The following STAC2 variants were observed in gnomAD, a reference collection of about 807,000 sequenced individuals.
The protein encoded by STAC2 is SH3 and cysteine rich domain 2, also known as SH3 and cysteine-rich domain-containing protein 2.
Under a neutral mutation model 49.0 loss-of-function variants are expected in STAC2, and 36 were observed. That is an observed-to-expected ratio of 0.74 (90% CI 0.56 to 0.97). The LOEUF is 0.97. Among genes scored for constraint, STAC2 ranks in the 50% least tolerant of loss-of-function variants. STAC2 has a pLI of 0.00. For synonymous variants in STAC2, 239 were observed against 214.7 expected (o/e 1.11, Z -0.99); for missense variants, 527 against 543.8 (o/e 0.97, Z 0.31).
chr17:39,216,773 A>G (rs1444619151), intron 4 of STAC2, 37 bp downstream of exon 4: 8 of 1,532,622 alleles, frequency 5.2e-6, no homozygotes, highest in Non-Finnish European at 7.1e-6. Context: ...ATCCCACCAC[A>G]ATGGGAGCAG....
At chr17:39,224,948 A>T (rs2046497543) in intron 1 of STAC2, among the ~76,000 whole-genome samples, 1 of 152,170 alleles carries the variant, frequency 6.6e-6, no homozygotes, top group Admixed American at 6.5e-5. Context: ...AGACGCCGGG[A>T]GAGACGGGGA....
At chr17:39,222,315 C>G (rs1483709172) in intron 1 of STAC2, among the ~76,000 whole-genome samples, 2 of 152,204 alleles carry the variant, frequency 1.3e-5, no homozygotes, top group African/African-American at 4.8e-5. Flanking sequence ...ACAGAATGTT[C>G]CCGGGTACCA....
rs1299777668 is a variant in STAC2 at position 39,225,296 on chromosome 17, G to C, written c.90+117C>G. The C allele has an allele frequency of 6.2e-6, 5 of 809,370 alleles. No individual in the cohort carries two copies. The highest frequency in any genetic ancestry group is 7.4e-6 in the Non-Finnish European group (4 of 542,078). The allele number at this position is 809,370 out of a possible 1,614,324, so 50.1% of individuals were successfully genotyped here. A position where few individuals can be genotyped will look rare whatever the true frequency, so the allele number is the denominator to read the frequency against. On this transcript the variant is annotated intron_variant, in intron 1 of 10. Transcript: ENST00000333461. This position sits in a 1 kb window ranked among gnomAD's most constrained non-coding sequence, Gnocchi z 8.2. ...CCCCCGGGAGCGGCGCGGAGCCTCA[G>C]TGGTCACGCGGGCCTCGCGACCGCG...
chr17:39,215,290 G>T, intron 4 of STAC2, 60 bp from the exon 5 acceptor site: 4 of 1,559,822 alleles, frequency 2.6e-6, no homozygotes, highest in Non-Finnish European at 3.5e-6. Flanking sequence ...CTCTAGTCCC[G>T]GCTCAGCATG....
intron 3 of STAC2, 60 bp from the exon 4 acceptor site, chr17:39,216,960 C>T (rs2046409663): frequency 3.8e-6 from 6 of 1,581,238 alleles, no homozygotes; most frequent in African/African-American, 1.3e-5. Context: ...GAACTTGGTC[C>T]TTCCCAAGCC....
chr17:39,218,534 C>T (rs2046431422), intron 1 of STAC2, among the ~76,000 whole-genome samples: 1 of 152,110 alleles, frequency 6.6e-6, no homozygotes, highest in Non-Finnish European at 1.5e-5. Flanking sequence ...CAAAAGAAAT[C>T]TAGACTTTTA....
At chr17:39,220,482 C>CTT (rs11407976) in intron 1 of STAC2, among the ~76,000 whole-genome samples, 51 of 147,790 alleles carry the variant, frequency 3.5e-4, no homozygotes, top group African/African-American at 5.0e-4. Flanking sequence ...CCTAGATACT[C>CTT]TTTTTTTTTT....
At chr17:39,223,946 A>T (rs1050594900) in intron 1 of STAC2, among the ~76,000 whole-genome samples, 8 of 152,104 alleles carry the variant, frequency 5.3e-5, no homozygotes, top group Admixed American at 3.3e-4. Context: ...TCTAAAGGGG[A>T]GTCAGCTCTG....
intron 4 of STAC2, 72 bp from the exon 5 acceptor site, chr17:39,215,302 C>A: frequency 1.3e-6 from 2 of 1,507,832 alleles, no homozygotes; most frequent in South Asian, 1.1e-5. Flanking sequence ...CTCAGCATGC[C>A]CCAGGCTGAG....
At chr17:39,214,052 C>T (rs1365376586) in intron 8 of STAC2, among the ~76,000 whole-genome samples, 181 bp downstream of exon 8, 1 of 151,994 alleles carries the variant, frequency 6.6e-6, no homozygotes, top group Admixed American at 6.6e-5. Context: ...GCAGCCCAGT[C>T]AGAGGGCGGG....
Position 39,214,777 on chromosome 17 carries a change from C to T in STAC2, c.843+14G>A. The T allele has an allele frequency of 6.2e-7, 1 of 1,613,408 alleles. No homozygotes were observed. The highest frequency in any genetic ancestry group is 8.5e-7 in the Non-Finnish European group (1 of 1,179,712). On this transcript the variant is annotated intron_variant, in intron 7 of 10. Transcript: ENST00000333461. ...CCACCCTGACCTTCCGGGCCAATGCCAGTACAGGCTCACCTGCTGTCCAGG... is the reference window on the plus strand; with the variant it reads ...CCACCCTGACCTTCCGGGCCAATGCTAGTACAGGCTCACCTGCTGTCCAGG...
intron 2 of STAC2, among the ~76,000 whole-genome samples, chr17:39,217,468 A>T (rs1597734031): frequency 6.6e-6 from 1 of 152,124 alleles, no homozygotes; most frequent in East Asian, 1.9e-4. Flanking sequence ...TCACATCTGT[A>T]ATCCCAGCAC....
chr17:39,216,583 C>A (rs73306903), intron 4 of STAC2, among the ~76,000 whole-genome samples: 1 of 152,180 alleles, frequency 6.6e-6, no homozygotes, highest in Non-Finnish European at 1.5e-5. Flanking sequence ...GTGACTCAGG[C>A]ACCCATCTCA....
rs768417247 is a variant in STAC2, at chr17:39,216,919, G to C, written c.496-19C>G. ...AGGTGGACTATGGCAAGAGAGGGCA[G>C]AGAGGTTTTGAGGAGGTCATGGCCT... On this transcript the variant is annotated intron_variant, in intron 3 of 10. Transcript: ENST00000333461. 1 of 1,589,560 alleles carries C rather than the reference G, an allele frequency of 6.3e-7. No homozygotes were observed.
intron 1 of STAC2, 135 bp from the exon 2 acceptor site, chr17:39,218,308 G>A (rs567423576): frequency 2.4e-5 from 21 of 877,164 alleles, no homozygotes; most frequent in Admixed American, 7.0e-5. Flanking sequence ...GGGCCAGAGC[G>A]AAATGAAACA....
chr17:39,218,078 G>A lies in STAC2; in HGVS notation c.186C>T (p.Cys62=), dbSNP rs748558026. Residue 62 remains cysteine, a synonymous_variant, in exon 2 of 11, where the codon TGC becomes TGT. Coordinates refer to ENST00000333461, the MANE Select transcript of STAC2 (RefSeq NM_198993.5). ...FFLRSGSELK[C]PTEVLLTPPT... is the part of the protein sequence containing the mutation. ...GGGGCGTCAGCAGCACCTCGGTGGG[G>A]CACTTGAGCTCAGAGCCCGAGCGAA... is the stretch of plus-strand genomic sequence containing the variant. The A allele has an allele frequency of 1.4e-5, 23 of 1,612,338 alleles. No homozygotes were observed. Among genetic ancestry groups the A allele is most frequent in the African/African-American group, 1.3e-5 (1 of 74,908 alleles).
chr17:39,217,061 T>G lies in STAC2; in HGVS notation c.495+15A>C. Reference sequence around the variant, plus strand: ...CAGCACTCAGCTGGCCATCTCTGCCTGGGTCCCCGCTCACCGTCTTGCCTG... The same window carrying G: ...CAGCACTCAGCTGGCCATCTCTGCCGGGGTCCCCGCTCACCGTCTTGCCTG... On this transcript the variant is annotated intron_variant, in intron 3 of 10. Coordinates refer to ENST00000333461, the MANE Select transcript of STAC2 (RefSeq NM_198993.5). 6.2e-7 allele frequency: 1 copy of G among 1,613,648 alleles called. No homozygotes were observed. Among genetic ancestry groups the G allele is most frequent in the Non-Finnish European group, 8.5e-7 (1 of 1,179,666 alleles).
intron 1 of STAC2, among the ~76,000 whole-genome samples, chr17:39,219,803 G>A (rs551962167): frequency 4.3e-4 from 66 of 152,286 alleles, no homozygotes; most frequent in Non-Finnish European, 7.9e-4. Context: ...GTTGAGAGGC[G>A]GCTTACCCCT....
chr17:39,215,257 G>T, intron 4 of STAC2, 27 bp from the exon 5 acceptor site: 1 of 1,611,590 alleles, frequency 6.2e-7, no homozygotes, highest in Non-Finnish European at 8.5e-7. Flanking sequence ...CTCAAGGCCT[G>T]GCTCTGCCTC....
Sources: gnomAD v4.1 joint callset for allele counts (sites outside exome capture counted in the v4.1 genomes callset) on GRCh38, gnomAD v4.1.1 for gene constraint, Gnocchi (gnomAD v3.1) non-coding constraint, MANE v1.5 for transcripts, NCBI Gene and HGNC (gene_info 2026-07-23, HGNC 2026-07-21) for gene names.